Variants in EBF2 observed in about 807,000 individuals in gnomAD.
EBF2 encodes transcription factor COE2.
Under a neutral mutation model 72.8 loss-of-function variants are expected in EBF2, and 21 were observed. The observed-to-expected ratio is 0.29, with a 90% CI of 0.20 to 0.42. The LOEUF (loss-of-function observed/expected upper bound fraction) is 0.42, where lower values mean the gene tolerates loss of function less well. EBF2 is among the 10% of genes least tolerant of loss of function. The pLI is 1.00. For missense variants in EBF2, 637 were observed against 731.2 expected (o/e 0.87, Z 1.49); for synonymous variants, 299 against 274.2 (o/e 1.09, Z -0.89).
At chr8:25,860,975 C>A (rs545216040) in intron 13 of EBF2, 74 bp downstream of exon 13, 1 of 1,564,802 alleles carries the variant, frequency 6.4e-7, no homozygotes, top group Admixed American at 1.7e-5. Context: ...ATGACCCAAC[C>A]TCTGACTCTG....
In EBF2 at chr8:25,922,954, G is replaced by GAA. The variant is rs34525953; in HGVS notation, c.552-14401_552-14400dup. ...GAATAATGGAATACAACTACTAAAG[G>GAA]AAAAAAAAAAAAAAATTCATCCGTT... On this transcript the variant is annotated intron_variant, in intron 6 of 15. Coordinates refer to ENST00000520164, the MANE Select transcript of EBF2 (RefSeq NM_022659.4). Among the ~76,000 whole-genome samples, 440 of 141,904 alleles carry GAA rather than the reference G, an allele frequency of 3.1e-3. 4 individuals are homozygous for GAA. The South Asian group carries it at 0.034, about 11-fold the overall frequency. The allele number at this position is 141,904 out of a possible 152,430, so 93.1% of individuals were successfully genotyped here.
chr8:26,032,313 G>A (rs1371063722), intron 6 of EBF2: 1 of 152,216 alleles, frequency 6.6e-6, no homozygotes, highest in Non-Finnish European at 1.5e-5. Context: ...TTTGGAGACT[G>A]TGGTCTCTCC....
intron 6 of EBF2, among the ~76,000 whole-genome samples, chr8:26,008,781 T>C (rs1311759117): frequency 1.4e-5 from 2 of 146,250 alleles, no homozygotes; most frequent in African/African-American, 2.5e-5. Flanking sequence ...TAGAAATACA[T>C]AGTTAACTGT....
rs138827284 is a variant in EBF2, at chr8:25,917,465, G to A, written c.552-8910C>T. Among the ~76,000 whole-genome samples the A allele has an allele frequency of 1.3e-3, 205 of 152,228 alleles. 1 individual carries two copies. The highest frequency in any genetic ancestry group is 4.8e-3 in the African/African-American group (198 of 41,546). The stretch of plus-strand genomic sequence containing the variant: ...TTGGAGGGCTCTTTGCAAAGCACAA[G>A]TTTCCATCCTTTCCTTTTTGGTAAA... On this transcript the variant is annotated intron_variant, in intron 6 of 15. Coordinates refer to ENST00000520164, the MANE Select transcript of EBF2 (RefSeq NM_022659.4).
intron 6 of EBF2, among the ~76,000 whole-genome samples, chr8:25,948,380 T>C (rs1206277615): frequency 1.3e-5 from 2 of 152,180 alleles, no homozygotes; most frequent in Non-Finnish European, 2.9e-5. Context: ...TGCCTCTCCT[T>C]TTCCAGATGC....
chr8:25,967,205 T>C (rs1460886930), intron 6 of EBF2, among the ~76,000 whole-genome samples: 2 of 152,336 alleles, frequency 1.3e-5, no homozygotes, highest in Admixed American at 1.3e-4. Context: ...AATGTGTTTA[T>C]TAAACCATTG....
At chr8:25,850,467 C>A in intron 15 of EBF2, 127 bp downstream of exon 15, 1 of 1,190,876 alleles carries the variant, frequency 8.4e-7, no homozygotes, top group Non-Finnish European at 1.1e-6. Flanking sequence ...ATTCATGTCC[C>A]ATGATAAGAA....
chr8:25,992,830 C>A (rs1197341516), intron 6 of EBF2, among the ~76,000 whole-genome samples: 3 of 150,392 alleles, frequency 2.0e-5, no homozygotes, highest in Admixed American at 6.6e-5. Flanking sequence ...CTTGAGCCCA[C>A]GGAGCAGAGG....
At chr8:26,033,808 C>G (rs1042297953) in intron 5 of EBF2, among the ~76,000 whole-genome samples, 1 of 152,000 alleles carries the variant, frequency 6.6e-6, no homozygotes, top group Non-Finnish European at 1.5e-5. Context: ...CTATAAGCTA[C>G]TTGAGGGCAG....
At position 25,980,629 on chromosome 8, in the gene EBF2, T is replaced by C. The variant is rs143977549; in HGVS notation, c.551+52456A>G. Among the ~76,000 whole-genome samples, 88 of 151,888 alleles carry C rather than the reference T, an allele frequency of 5.8e-4. 2 individuals are homozygous for C. In the East Asian group the frequency reaches 0.014, roughly 24 times the overall value. ...AATAAATATCGAATTATACACCTCATGGGAAGAAAGCACTGAAGACTCAGC... is the reference window on the plus strand; with the variant it reads ...AATAAATATCGAATTATACACCTCACGGGAAGAAAGCACTGAAGACTCAGC... On this transcript the variant is annotated intron_variant, in intron 6 of 15. Transcript: ENST00000520164.
intron 6 of EBF2, among the ~76,000 whole-genome samples, chr8:25,910,790 G>A (rs1420498351): frequency 6.6e-6 from 1 of 152,076 alleles, no homozygotes; most frequent in African/African-American, 2.4e-5. Context: ...CTGGGTTCAC[G>A]AAGGAGAAGG....
intron 14 of EBF2, among the ~76,000 whole-genome samples, chr8:25,853,243 C>T (rs957121970): frequency 1.3e-5 from 2 of 151,572 alleles, no homozygotes; most frequent in Non-Finnish European, 2.9e-5. Flanking sequence ...AAAACTTCTG[C>T]AACAAACACA....
In EBF2 at chr8:26,043,461, T is replaced by C. The variant is rs928594647; in HGVS notation, c.132-1210A>G. ...CCAGCTAAGGAAATGCGCGGCACAG[T>C]TGGCTCTGCGGTGCTGCCTTATTTC... On this transcript the variant is annotated intron_variant, in intron 1 of 15. Coordinates refer to ENST00000520164, the MANE Select transcript of EBF2 (RefSeq NM_022659.4). Among the ~76,000 whole-genome samples the C allele has an allele frequency of 4.6e-5, 7 of 152,360 alleles. No homozygotes were observed. In the East Asian group the frequency reaches 9.7e-4, roughly 21 times the overall value.
At chr8:26,012,639 G>A (rs1287721074) in intron 6 of EBF2, among the ~76,000 whole-genome samples, 1 of 152,096 alleles carries the variant, frequency 6.6e-6, no homozygotes, top group African/African-American at 2.4e-5. Flanking sequence ...TTCCACTAAT[G>A]GACAGAGTTA....
At position 26,040,995 on chromosome 8, in the gene EBF2, C is replaced by T; in HGVS notation, c.296G>A (p.Gly99Asp). 1.2e-6 allele frequency: 2 copies of T among 1,614,160 alleles called. No individual in the cohort carries two copies. The highest frequency in any genetic ancestry group is 1.1e-5 in the South Asian group (1 of 91,044). Residue 99 changes from glycine (G) to aspartate (D), a missense_variant, in exon 3 of 16, where the codon GGC becomes GAC. Physicochemically the swap from Gly to Asp is moderately conservative, Grantham distance 94. Around this residue, in one of 3 missense-constraint regions of EBF2, gnomAD observed 174 missense variants for 161.9 expected, o/e 1.07. Coordinates refer to ENST00000520164, the MANE Select transcript of EBF2 (RefSeq NM_022659.4). ...AGTGCCGTTGTTGGTCTTCTCGTTG[C>T]CTTGTTCCTGAAAAGACAGGCAGCG... The part of the protein sequence containing the change: ...VDFVENDKEQ[G>D]NEKTNNGTHY...
At chr8:25,926,992 G>A (rs1803398043) in intron 6 of EBF2, among the ~76,000 whole-genome samples, 1 of 152,174 alleles carries the variant, frequency 6.6e-6, no homozygotes, top group Non-Finnish European at 1.5e-5. Flanking sequence ...GTTAGTTCTT[G>A]TCAACATGGC....
intron 6 of EBF2, among the ~76,000 whole-genome samples, chr8:26,013,200 G>A (rs1805054650): frequency 6.6e-6 from 1 of 152,188 alleles, no homozygotes; most frequent in Non-Finnish European, 1.5e-5. Flanking sequence ...TAATAGATGT[G>A]AATTAACTGA....
At chr8:26,029,770 C>T (rs1039683277) in intron 6 of EBF2, among the ~76,000 whole-genome samples, 14 of 152,202 alleles carry the variant, frequency 9.2e-5, no homozygotes, top group African/African-American at 3.4e-4. Flanking sequence ...AAATAGACTA[C>T]ATTGCACCCA....
At chr8:25,880,981 C>G (rs1802597066) in intron 10 of EBF2, among the ~76,000 whole-genome samples, 1 of 152,060 alleles carries the variant, frequency 6.6e-6, no homozygotes, top group Non-Finnish European at 1.5e-5. Context: ...AACCTTCACC[C>G]CATCCAATCA....
Sources: allele counts gnomAD v4.1 joint callset (sites outside exome capture counted in the v4.1 genomes callset), GRCh38; gene constraint gnomAD v4.1.1; regional missense constraint gnomAD v4.1.1; transcripts MANE v1.5; gene names NCBI Gene and HGNC (gene_info 2026-07-23, HGNC 2026-07-21).